KIF15: variants seen among roughly 807,000 people sequenced by gnomAD.
KIF15 encodes kinesin-like protein KIF15.
A neutral mutation model predicts 190.6 loss-of-function variants in KIF15; 140 were observed. The observed-to-expected ratio is 0.73, with a 90% CI of 0.64 to 0.84. The LOEUF (loss-of-function observed/expected upper bound fraction) is 0.84. Ranked by LOEUF, KIF15 falls within the 40% of genes least tolerant of loss-of-function variation. KIF15 has a pLI of 0.00. For missense variants in KIF15, 1,372 were observed against 1,584.4 expected, an observed-to-expected ratio of 0.87 and a Z score of 2.28; for synonymous variants, 528 against 551.3, an observed-to-expected ratio of 0.96 and a Z score of 0.59.
At chr3:44,852,629 T>C (rs545750742) in intron 34 of KIF15, 44 bp from the exon 35 acceptor site, 1 of 1,428,028 alleles carries the variant, frequency 7.0e-7, no homozygotes, top group African/African-American at 1.4e-5. Flanking sequence ...CTGTAAGAAT[T>C]AGAGCCTTAT....
chr3:44,836,036 A>G (rs1471050318), intron 26 of KIF15, among the ~76,000 whole-genome samples: 1 of 152,080 alleles, frequency 6.6e-6, no homozygotes, highest in African/African-American at 2.4e-5. Context: ...TTGTTGCAAG[A>G]GCCCCCATCT....
chr3:44,859,538 T>C lies in KIF15; in HGVS notation c.*59+6744T>C, dbSNP rs141577237. On this transcript the variant is annotated intron_variant and NMD_transcript_variant, in intron 6 of 6. Transcript: ENST00000422209. Reference sequence around the variant, plus strand: ...AAATTAGCCAGGCATGATGCACCCATAGTCCCTGCTACTCAGGAAGCTGAA... The same window carrying C: ...AAATTAGCCAGGCATGATGCACCCACAGTCCCTGCTACTCAGGAAGCTGAA... 4.6e-5 allele frequency among the ~76,000 whole-genome samples: 7 copies of C among 152,258 alleles called. No homozygotes were observed. The East Asian group carries it at 1.4e-3, about 29-fold the overall frequency.
At chr3:44,785,023 A>G (rs1706343152) in intron 6 of KIF15, 81 bp downstream of exon 6, 4 of 688,494 alleles carry the variant, frequency 5.8e-6, no homozygotes, top group Non-Finnish European at 1.0e-5. Context: ...CTCATGATAC[A>G]TGGTGGAGCA....
intron 1 of KIF15, among the ~76,000 whole-genome samples, chr3:44,774,053 T>A (rs1575577864): frequency 6.6e-6 from 1 of 152,192 alleles, no homozygotes; most frequent in East Asian, 1.9e-4. Context: ...ATGTGGGCCC[T>A]TAGTCTGAGC....
chr3:44,779,000 A>AAC (rs386396506), intron 4 of KIF15, among the ~76,000 whole-genome samples: 3 of 149,922 alleles, frequency 2.0e-5, no homozygotes, highest in Non-Finnish European at 4.4e-5. Flanking sequence ...AAAAAAAAAA[A>AAC]ACCAAAACAA....
At chr3:44,805,821 A>G (rs1707470637) in intron 15 of KIF15, 24 bp from the exon 16 acceptor site, 1 of 1,601,522 alleles carries the variant, frequency 6.2e-7, no homozygotes, top group Non-Finnish European at 8.5e-7. Context: ...TACCTGAAAT[A>G]CTCCGTTTTA....
At chr3:44,780,067 CT>C (rs757687365) in intron 4 of KIF15, among the ~76,000 whole-genome samples, 51,932 of 123,142 alleles carry the variant, frequency 0.42, 11,148 homozygotes, top group East Asian at 0.77. Context: ...TAAAATACAA[CT>C]TTTTTTTTTT....
At chr3:44,799,390 A>G in intron 10 of KIF15, 1 of 456,052 alleles carries the variant, frequency 2.2e-6, no homozygotes, top group Non-Finnish European at 4.4e-6. Flanking sequence ...TTGGGCTTAC[A>G]GCGAGAATAC....
chr3:44,786,758 G>C (rs1215405111), intron 7 of KIF15, among the ~76,000 whole-genome samples, 184 bp downstream of exon 7: 2 of 152,060 alleles, frequency 1.3e-5, no homozygotes, highest in East Asian at 3.9e-4. Flanking sequence ...CTTTCAAAAT[G>C]GAACCTCGAA....
chr3:44,770,221 T>C (rs1379831274), intron 1 of KIF15, among the ~76,000 whole-genome samples: 1 of 152,230 alleles, frequency 6.6e-6, no homozygotes, highest in Admixed American at 6.5e-5. Context: ...AAACAAACCA[T>C]GATAGGACTG....
intron 16 of KIF15, 66 bp downstream of exon 16, chr3:44,806,052 A>T (rs1176537765): frequency 2.0e-6 from 3 of 1,532,790 alleles, no homozygotes; most frequent in South Asian, 2.4e-5. Context: ...TAATGGAGAG[A>T]GTCTGCATGG....
chr3:44,783,429 G>C (rs2125913905), intron 5 of KIF15, among the ~76,000 whole-genome samples: 1 of 152,190 alleles, frequency 6.6e-6, no homozygotes, highest in South Asian at 2.1e-4. Context: ...TAGTTCTCTT[G>C]GGAAATAAGA....
chr3:44,852,826 T>C lies in KIF15; in HGVS notation c.*91T>C. 1 of 964,014 alleles carries C rather than the reference T, an allele frequency of 1.0e-6. No individual in the cohort carries two copies. Among genetic ancestry groups the C allele is most frequent in the Non-Finnish European group, 1.6e-6 (1 of 638,744 alleles). 59.7% of individuals were successfully genotyped at this position (964,014 alleles called of 1,614,324 possible). ...CCTACTCCTGGCCACTTAGGAGAGC[T>C]GAATTTATGGACCTTAATTATTAAA... On this transcript the variant is annotated 3_prime_UTR_variant, in exon 35 of 35. Transcript: ENST00000326047.
chr3:44,767,814 G>C (rs901110634), intron 1 of KIF15, among the ~76,000 whole-genome samples: 2 of 150,146 alleles, frequency 1.3e-5, no homozygotes, highest in Non-Finnish European at 1.5e-5. Context: ...AGAATGGCAT[G>C]AGCCCGGGAG....
At chr3:44,828,173 G>T in intron 23 of KIF15, 41 bp from the exon 24 acceptor site, 1 of 1,441,158 alleles carries the variant, frequency 6.9e-7, no homozygotes, top group South Asian at 1.2e-5. Flanking sequence ...TTAACTTTGC[G>T]ATTTAATTAT....
At chr3:44,865,387 G>T (rs1458423814) in intron 6 of KIF15, 8 of 635,034 alleles carry the variant, frequency 1.3e-5, no homozygotes, top group Non-Finnish European at 1.6e-5. Context: ...TTGATCATCT[G>T]TACAGTGCTT....
At chr3:44,821,939 C>T (rs1006144273) in intron 20 of KIF15, among the ~76,000 whole-genome samples, 5 of 152,216 alleles carry the variant, frequency 3.3e-5, no homozygotes, top group African/African-American at 9.6e-5. Flanking sequence ...CCGGCCAACA[C>T]AGCGAAACCC....
Position 44,794,437 on chromosome 3 carries a change from A to T in KIF15, c.849+11A>T. On this transcript the variant is annotated intron_variant, in intron 8 of 34. Transcript: ENST00000326047. ...GGGATGAGATTGAAGGTAAGAATGA[A>T]ATTATGGTCTTCAACTTGTGTGTGA... 1 of 1,564,512 alleles carries T rather than the reference A, an allele frequency of 6.4e-7. No individual in the cohort carries two copies. The highest frequency in any genetic ancestry group is 8.7e-7 in the Non-Finnish European group (1 of 1,151,912).
intron 3 of KIF15, among the ~76,000 whole-genome samples, chr3:44,775,937 G>T (rs1705864350): frequency 6.6e-6 from 1 of 151,884 alleles, no homozygotes; most frequent in East Asian, 2.0e-4. Flanking sequence ...AAAATTAGCT[G>T]GTTGTGGTAG....
Sources: allele counts gnomAD v4.1 joint callset (sites outside exome capture counted in the v4.1 genomes callset), GRCh38; gene constraint gnomAD v4.1.1; transcripts MANE v1.5; gene names NCBI Gene and HGNC (gene_info 2026-07-23, HGNC 2026-07-21).